TRPA1: variants seen among roughly 807,000 people sequenced by gnomAD.
TRPA1 encodes the protein ankyrin-like with transmembrane domains 1.
TRPA1 carries 129 observed loss-of-function variants against 131.3 expected under a neutral mutation model. That is an observed-to-expected ratio of 0.98 (90% CI 0.85 to 1.14). The LOEUF is 1.14. Ranked by LOEUF, TRPA1 falls within the 50% of genes most tolerant of loss-of-function variation. TRPA1 has a pLI of 0.00. For synonymous variants in TRPA1, 441 were observed against 451.7 expected, an observed-to-expected ratio of 0.98 and a Z score of 0.30; for missense variants, 1,304 against 1,354.2, an observed-to-expected ratio of 0.96 and a Z score of 0.58.
chr8:72,086,064 C>T, the TRPA1 span, among the ~76,000 whole-genome samples: 1 of 152,028 alleles, frequency 6.6e-6, no homozygotes, highest in African/African-American at 2.4e-5. Flanking sequence ...CCATGCTCGG[C>T]TAATTTTTTT....
the TRPA1 span, among the ~76,000 whole-genome samples, chr8:72,087,456 C>T: frequency 6.6e-6 from 1 of 152,104 alleles, no homozygotes; most frequent in African/African-American, 2.4e-5. Context: ...CTGTACTTTC[C>T]ATTTTCTCTG....
At chr8:72,037,547 CA>C (rs1330591730) in intron 20 of TRPA1, among the ~76,000 whole-genome samples, 3 of 151,880 alleles carry the variant, frequency 2.0e-5, no homozygotes, top group African/African-American at 7.2e-5. Flanking sequence ...TTTATTTAAT[CA>C]AAAAAGTATT....
intron 8 of TRPA1, among the ~76,000 whole-genome samples, chr8:72,059,139 T>G (rs1805745064): frequency 6.6e-6 from 1 of 152,200 alleles, no homozygotes; most frequent in African/African-American, 2.4e-5. Flanking sequence ...ACCTGCCAAC[T>G]TCCTGCACTA....
rs746430487 is a variant in TRPA1 at position 72,057,697 on chromosome 8, G to A, written c.1093+20C>T. 12 of 1,584,096 alleles carry A rather than the reference G, an allele frequency of 7.6e-6. No homozygotes were observed. In the South Asian group the frequency reaches 1.2e-4, roughly 16 times the overall value. ...AATTGAGTGGCACTTCAAAAGACTT[G>A]GCTTGTTCCCTCTTGGTACCTTTAG... On this transcript the variant is annotated intron_variant, in intron 9 of 26. Transcript: ENST00000262209.
chr8:72,052,991 G>GA, intron 13 of TRPA1: 1 of 393,142 alleles, frequency 2.5e-6, no homozygotes. Context: ...GTGTGTGTGT[G>GA]TGTGAGAGAT....
chr8:72,032,401 AAAG>A (rs1209265441), intron 23 of TRPA1, among the ~76,000 whole-genome samples: 3 of 152,230 alleles, frequency 2.0e-5, no homozygotes, highest in African/African-American at 7.2e-5. Context: ...TGTGACAGCC[AAAG>A]AATTATTGAA....
rs752891496 is a variant in TRPA1, at chr8:72,055,111, A to G, written c.1529+325T>C. 16 of 322,970 alleles carry G rather than the reference A, an allele frequency of 5.0e-5. 1 individual carries two copies. The highest frequency in any genetic ancestry group is 9.3e-5 in the Non-Finnish European group (16 of 172,538). The allele number at this position is 322,970 out of a possible 1,614,324, so 20.0% of individuals were successfully genotyped here. On this transcript the variant is annotated intron_variant, in intron 12 of 26. Coordinates refer to ENST00000262209, the MANE Select transcript of TRPA1 (RefSeq NM_007332.3). Reference sequence around the variant, plus strand: ...TTTTGTATCTATATAGGAATATGGCAGCATGATGAGGTAAAATATGAGAAA... The same window carrying G: ...TTTTGTATCTATATAGGAATATGGCGGCATGATGAGGTAAAATATGAGAAA...
chr8:72,090,007 G>C, the TRPA1 span, among the ~76,000 whole-genome samples: 7 of 151,814 alleles, frequency 4.6e-5, no homozygotes, highest in Non-Finnish European at 1.0e-4. Context: ...ATAATCAAGC[G>C]GAGAAGTGTT....
In TRPA1 at chr8:72,069,130, T is replaced by C. The variant is rs770913467; in HGVS notation, c.337A>G (p.Ser113Gly). The C allele has an allele frequency of 6.8e-6, 11 of 1,614,112 alleles. No individual in the cohort carries two copies. The highest frequency in any genetic ancestry group is 3.3e-5 in the Admixed American group (2 of 60,010). The change falls in exon 3 of 27, where the codon AGC becomes GGC. Residue 113 changes from serine (S) to glycine (G), a missense_variant. Physicochemically the swap from Ser to Gly is moderately conservative, Grantham distance 56. Transcript: ENST00000262209. Reference sequence around the variant, plus strand: ...CCTCTGCTGAGAAGAAACTTAACGCTTTCAATTTGGTTTTTTTCTACAGCA... The same window carrying C: ...CCTCTGCTGAGAAGAAACTTAACGCCTTCAATTTGGTTTTTTTCTACAGCA... ...HCAVEKNQIE[S>G]VKFLLSRGAN...
chr8:72,055,131 G>T, intron 12 of TRPA1: 1 of 349,418 alleles, frequency 2.9e-6, no homozygotes, highest in Non-Finnish European at 5.3e-6. Flanking sequence ...GGTAAAATAT[G>T]AGAAACTATG....
chr8:72,040,919 A>T (rs767260525), intron 17 of TRPA1, among the ~76,000 whole-genome samples: 1 of 152,126 alleles, frequency 6.6e-6, no homozygotes, highest in African/African-American at 2.4e-5. Context: ...CTATTAAAAT[A>T]CAACGGTTGA....
At chr8:72,078,327 T>A (rs1427382940), upstream of TRPA1, among the ~76,000 whole-genome samples, 1 of 152,138 alleles carries the variant, frequency 6.6e-6, no homozygotes, top group African/African-American at 2.4e-5. Context: ...AGTATACAAC[T>A]ATCTCCACAA....
upstream of TRPA1, among the ~76,000 whole-genome samples, chr8:72,076,993 G>A (rs564659882): frequency 6.6e-6 from 1 of 152,154 alleles, no homozygotes; most frequent in Non-Finnish European, 1.5e-5. Context: ...TCCCAGGGTT[G>A]GGTAAAAAGA....
At chr8:72,031,348 G>A (rs1218589389) in intron 23 of TRPA1, among the ~76,000 whole-genome samples, 1 of 152,120 alleles carries the variant, frequency 6.6e-6, no homozygotes, top group Non-Finnish European at 1.5e-5. Context: ...GGAGGCTGAG[G>A]TGGGAGGATC....
the TRPA1 span, among the ~76,000 whole-genome samples, chr8:72,085,511 A>G: frequency 2.1e-5 from 3 of 141,186 alleles, no homozygotes; most frequent in East Asian, 1.9e-4. Flanking sequence ...TGAAATATAT[A>G]TTTATCTTCT....
At chr8:72,084,483 A>ATT in the TRPA1 span, among the ~76,000 whole-genome samples, 1 of 150,734 alleles carries the variant, frequency 6.6e-6, no homozygotes, top group East Asian at 1.9e-4. Context: ...CCTATTTTCT[A>ATT]TTTTTTTGTT....
rs762361072 is a variant in TRPA1 at position 72,063,430 on chromosome 8, T to C, written c.661+33A>G. On this transcript the variant is annotated intron_variant, in intron 5 of 26. Transcript: ENST00000262209. The stretch of plus-strand genomic sequence containing the variant: ...TAGCATCCACCAAAATAGACTTATT[T>C]ATAGTATATAACATAGAAAAGCCTC... The C allele has an allele frequency of 2.1e-6, 3 of 1,436,024 alleles. No individual in the cohort carries two copies. The Admixed American group carries it at 5.1e-5, about 24-fold the overall frequency. 89.0% of individuals were successfully genotyped at this position (1,436,024 alleles called of 1,614,324 possible).
chr8:72,088,366 C>CTTTTTTTTTTTTTTTTTTTTTT, the TRPA1 span, among the ~76,000 whole-genome samples: 5 of 81,214 alleles, frequency 6.2e-5, no homozygotes, highest in East Asian at 4.4e-4. Flanking sequence ...TCTTTGAAAA[C>CTTTTTTTTTTTTTTTTTTTTTT]TTTTTTTTTT....
upstream of TRPA1, among the ~76,000 whole-genome samples, chr8:72,077,481 T>C: frequency 6.6e-6 from 1 of 152,258 alleles, no homozygotes; most frequent in East Asian, 1.9e-4. Flanking sequence ...CTTCTCTGTC[T>C]TTAACACTGA....
Sources: allele counts gnomAD v4.1 joint callset (sites outside exome capture counted in the v4.1 genomes callset), GRCh38; gene constraint gnomAD v4.1.1; transcripts MANE v1.5; gene names NCBI Gene and HGNC (gene_info 2026-07-23, HGNC 2026-07-21).